CMIP: variants seen among roughly 807,000 people sequenced by gnomAD.
The protein encoded by CMIP is c-Maf inducing protein, also known as C-Maf-inducing protein.
Under a neutral mutation model 97.3 loss-of-function variants are expected in CMIP, and 13 were observed. That is an observed-to-expected ratio of 0.13 (90% CI 0.09 to 0.21). CMIP has a LOEUF of 0.21. Ranked by LOEUF, CMIP falls within the 10% of genes least tolerant of loss-of-function variation. The probability of loss-of-function intolerance (pLI) is 1.00; values close to 1 mark genes in which losing one functional copy is unlikely to be tolerated. For synonymous variants in CMIP, 538 were observed against 436.3 expected (o/e 1.23, Z -2.91); for missense variants, 847 against 1,024.9 (o/e 0.83, Z 2.37).
chr16:81,682,942 G>A (rs1017237), intron 10 of CMIP, among the ~76,000 whole-genome samples: 15,199 of 152,280 alleles, frequency 0.1, 896 homozygotes, highest in African/African-American at 0.17. Context: ...GTGATGAAAA[G>A]AACGTGGATT....
At chr16:81,570,084 G>C (rs971640866) in intron 1 of CMIP, among the ~76,000 whole-genome samples, 1 of 152,134 alleles carries the variant, frequency 6.6e-6, no homozygotes, top group Non-Finnish European at 1.5e-5. Flanking sequence ...GAGTATCAAT[G>C]GGGGAAGGGG....
At chr16:81,684,792 G>T (rs181937201) in intron 10 of CMIP, among the ~76,000 whole-genome samples, 5 of 152,214 alleles carry the variant, frequency 3.3e-5, no homozygotes, top group African/African-American at 4.8e-5. Flanking sequence ...CGTCCCCTCC[G>T]TCCAAGCTGG....
At chr16:81,491,251 C>T (rs1250835587) in intron 1 of CMIP, among the ~76,000 whole-genome samples, 2 of 152,218 alleles carry the variant, frequency 1.3e-5, no homozygotes, top group Non-Finnish European at 2.9e-5. Flanking sequence ...GTTGGCCTTA[C>T]AAGAGCCTGG....
At chr16:81,683,194 T>G (rs907335046) in intron 10 of CMIP, among the ~76,000 whole-genome samples, 1 of 152,212 alleles carries the variant, frequency 6.6e-6, no homozygotes, top group Non-Finnish European at 1.5e-5. Flanking sequence ...AAGCGCTCAG[T>G]GCGGCTGCTG....
chr16:81,507,709 A>C (rs1016194418), intron 1 of CMIP, among the ~76,000 whole-genome samples: 2 of 152,174 alleles, frequency 1.3e-5, no homozygotes, highest in Admixed American at 6.5e-5. Flanking sequence ...GTGGAATGCA[A>C]ATTCACAAGG....
At chr16:81,589,257 C>T (rs1433168773) in intron 1 of CMIP, among the ~76,000 whole-genome samples, 1 of 151,926 alleles carries the variant, frequency 6.6e-6, no homozygotes, top group Non-Finnish European at 1.5e-5. Flanking sequence ...CCACCACACC[C>T]GGGTAATTTT....
At chr16:81,631,239 C>A (rs992649730) in intron 3 of CMIP, 1 of 152,344 alleles carries the variant, frequency 6.6e-6, no homozygotes, top group Admixed American at 6.5e-5. Context: ...TTAGGCCTGT[C>A]TTGAAGCAGG....
intron 1 of CMIP, among the ~76,000 whole-genome samples, chr16:81,557,263 A>G (rs1328455713): frequency 6.6e-6 from 1 of 152,208 alleles, no homozygotes. Flanking sequence ...GGCCATGTCA[A>G]TGCCAAATGC....
At position 81,678,613 on chromosome 16, in the gene CMIP, A is replaced by G; in HGVS notation, c.1373A>G (p.Glu458Gly). The G allele has an allele frequency of 1.3e-6, 2 of 1,579,950 alleles. No homozygotes were observed. Among genetic ancestry groups the G allele is most frequent in the Non-Finnish European group, 1.7e-6 (2 of 1,156,800 alleles). ...GACCGCACGCTCGGCTGCTACGTGGAAATCCTCAAGCTGCTGTGAGTGCCC... is the reference window on the plus strand; with the variant it reads ...GACCGCACGCTCGGCTGCTACGTGGGAATCCTCAAGCTGCTGTGAGTGCCC... Reference protein sequence around the residue: ...QADRTLGCYVEILKLLSDYDD... With the variant: ...QADRTLGCYVGILKLLSDYDD... The change falls in exon 10 of 21, where the codon GAA becomes GGA. Residue 458 changes from glutamate to glycine, a missense_variant. Coordinates refer to ENST00000537098, the MANE Select transcript of CMIP (RefSeq NM_198390.3).
At chr16:81,708,814 C>G (rs1002457750) in intron 20 of CMIP, among the ~76,000 whole-genome samples, 4 of 152,226 alleles carry the variant, frequency 2.6e-5, no homozygotes, top group Non-Finnish European at 5.9e-5. Context: ...CACCTGTAAC[C>G]TCTGCCTGGG....
intron 1 of CMIP, among the ~76,000 whole-genome samples, chr16:81,544,852 T>C (rs1259832567): frequency 6.6e-6 from 1 of 152,120 alleles, no homozygotes; most frequent in Non-Finnish European, 1.5e-5. Context: ...AGGGCTCTGC[T>C]TCCGGTTTCT....
At chr16:81,612,344 CG>C (rs1416988892) in intron 2 of CMIP, among the ~76,000 whole-genome samples, 2 of 152,106 alleles carry the variant, frequency 1.3e-5, no homozygotes, top group Non-Finnish European at 2.9e-5. Flanking sequence ...GGATGGGTTC[CG>C]GGACTCGGCT....
At chr16:81,641,370 C>T (rs1166283359) in intron 3 of CMIP, among the ~76,000 whole-genome samples, 2 of 151,916 alleles carry the variant, frequency 1.3e-5, no homozygotes, top group Non-Finnish European at 2.9e-5. Context: ...AGATGTCATC[C>T]CTGCTCCCAA....
intron 14 of CMIP, among the ~76,000 whole-genome samples, chr16:81,699,442 C>T (rs543336484): frequency 2.6e-5 from 4 of 152,170 alleles, no homozygotes; most frequent in Non-Finnish European, 4.4e-5. Flanking sequence ...GGATCATGAA[C>T]GTGACTTTCG....
At chr16:81,450,591 A>G (rs1440558252) in intron 1 of CMIP, among the ~76,000 whole-genome samples, 1 of 152,146 alleles carries the variant, frequency 6.6e-6, no homozygotes, top group Non-Finnish European at 1.5e-5. Context: ...CACAAATGGA[A>G]GGGATTATTG....
chr16:81,690,373 C>G (rs1319327204), intron 10 of CMIP, among the ~76,000 whole-genome samples: 4 of 152,188 alleles, frequency 2.6e-5, no homozygotes, highest in Admixed American at 2.6e-4. Flanking sequence ...TCCTTCACTT[C>G]CCTTGTAAGT....
At chr16:81,602,381 G>T (rs774383099) in intron 1 of CMIP, among the ~76,000 whole-genome samples, 21 of 152,252 alleles carry the variant, frequency 1.4e-4, no homozygotes, top group Non-Finnish European at 2.5e-4. Flanking sequence ...TTATGGGAAA[G>T]ATTTTATTCG....
At chr16:81,557,495 AAT>A (rs1018462565) in intron 1 of CMIP, among the ~76,000 whole-genome samples, 19 of 152,376 alleles carry the variant, frequency 1.2e-4, no homozygotes, top group African/African-American at 3.6e-4. Flanking sequence ...GTGATAATTT[AAT>A]ATATGTTTAT....
intron 1 of CMIP, among the ~76,000 whole-genome samples, chr16:81,482,071 G>A (rs1597464565): frequency 6.6e-6 from 1 of 152,030 alleles, no homozygotes; most frequent in Non-Finnish European, 1.5e-5. Context: ...CAGAGACAGC[G>A]TTTCACCATG....
Sources: allele counts gnomAD v4.1 joint callset (sites outside exome capture counted in the v4.1 genomes callset), GRCh38; gene constraint gnomAD v4.1.1; transcripts MANE v1.5; gene names NCBI Gene and HGNC (gene_info 2026-07-23, HGNC 2026-07-21).